Variants in STS observed in about 807,000 individuals in gnomAD.
STS encodes steryl-sulfatase.
A neutral mutation model predicts 26.8 loss-of-function variants in STS; 7 were observed. That is an observed-to-expected ratio of 0.26 (90% CI 0.15 to 0.49). The LOEUF (loss-of-function observed/expected upper bound fraction) is 0.49. Ranked by LOEUF, STS falls within the 20% of genes least tolerant of loss-of-function variation. STS has a pLI of 0.98. For synonymous variants in STS, 199 were observed against 189.4 expected, an observed-to-expected ratio of 1.05 and a Z score of -0.42; for missense variants, 434 against 465.6, an observed-to-expected ratio of 0.93 and a Z score of 0.63.
Position 7,352,845 on chromosome X carries a change from A to T in STS, c.*2584A>T, listed in dbSNP as rs1248056277. On this transcript the variant is annotated 3_prime_UTR_variant, in exon 11 of 11. Coordinates refer to ENST00000674429, the MANE Select transcript of STS (RefSeq NM_001320752.2). Reference sequence around the variant, plus strand: ...AATGCTGCAGGAAAAGCAAAATTGCAATCTACGTATCTATGGTACTAAGGA... The same window carrying T: ...AATGCTGCAGGAAAAGCAAAATTGCTATCTACGTATCTATGGTACTAAGGA... 9.0e-6 allele frequency: 1 copy of T among 111,038 alleles called. No individual in the cohort carries two copies. The highest frequency in any genetic ancestry group is 1.9e-5 in the Non-Finnish European group (1 of 53,089). The allele number at this position is 111,038 out of a possible 1,213,427, so 9.2% of individuals were successfully genotyped here.
intron 6 of STS, among the ~76,000 whole-genome samples, chrX:7,267,367 G>A (rs1438532522): frequency 1.5e-4 from 17 of 112,072 alleles, no homozygotes; most frequent in African/African-American, 5.5e-4. Context: ...AGAAAATAAA[G>A]CGTAAGGATG....
At chrX:7,204,477 C>G (rs1053735537) in intron 2 of STS, among the ~76,000 whole-genome samples, 7 of 105,549 alleles carry the variant, frequency 6.6e-5, no homozygotes, top group Admixed American at 1.0e-4. Context: ...CCCTTCTTTC[C>G]TTCCTCCCTC....
At chrX:7,284,721 G>C (rs1362364826) in intron 7 of STS, among the ~76,000 whole-genome samples, 3 of 112,334 alleles carry the variant, frequency 2.7e-5, no homozygotes, top group African/African-American at 9.7e-5. Flanking sequence ...TGATGGAACA[G>C]AGCAGGAAGC....
At position 7,262,505 on chromosome X, in the gene STS, T is replaced by G. The variant is rs913667872; in HGVS notation, c.806+2733T>G. Among the ~76,000 whole-genome samples the G allele has an allele frequency of 3.0e-4, 34 of 112,105 alleles. 1 individual carries two copies. Among genetic ancestry groups the G allele is most frequent in the African/African-American group, 1.0e-3 (31 of 30,894 alleles). ...AAATGAAACGGCCTTGCTGAACATA[T>G]AGCAGTGATTTTCCTACTGCAAACA... On this transcript the variant is annotated intron_variant, in intron 6 of 10. Transcript: ENST00000674429.
At chrX:7,208,507 C>T (rs899788480) in intron 2 of STS, among the ~76,000 whole-genome samples, 4 of 111,681 alleles carry the variant, frequency 3.6e-5, no homozygotes, top group Admixed American at 2.9e-4. Context: ...TACCCTTTAC[C>T]CTGTCTTCTC....
intron 7 of STS, among the ~76,000 whole-genome samples, chrX:7,279,361 ATGTGTG>A (rs149132899): frequency 5.0e-5 from 4 of 80,747 alleles, no homozygotes; most frequent in Non-Finnish European, 6.9e-5. Flanking sequence ...GTGTGTGTAT[ATGTGTG>A]TGTGTGTGTG....
chrX:7,217,132 C>A (rs1358023662), intron 2 of STS, among the ~76,000 whole-genome samples: 1 of 111,097 alleles, frequency 9.0e-6, no homozygotes, highest in Admixed American at 9.6e-5. Flanking sequence ...TCCTAACCGA[C>A]CTAGCAGGAT....
intron 2 of STS, among the ~76,000 whole-genome samples, chrX:7,194,370 T>C (rs1569185420): frequency 9.0e-6 from 1 of 111,546 alleles, no homozygotes; most frequent in Non-Finnish European, 1.9e-5. Flanking sequence ...AGTGATGTTA[T>C]CTATAGGGGC....
At chrX:7,343,859 G>C (rs1928404995) in intron 10 of STS, among the ~76,000 whole-genome samples, 1 of 112,066 alleles carries the variant, frequency 8.9e-6, no homozygotes, top group Non-Finnish European at 1.9e-5. Flanking sequence ...TATCATCCTA[G>C]AACAAGAGAG....
intron 8 of STS, among the ~76,000 whole-genome samples, chrX:7,313,624 C>T (rs1480552284): frequency 8.9e-6 from 1 of 111,985 alleles, no homozygotes; most frequent in Non-Finnish European, 1.9e-5. Flanking sequence ...TCACATCAGT[C>T]TCATTTATGT....
At chrX:7,301,157 G>T (rs756106981) in intron 7 of STS, among the ~76,000 whole-genome samples, 53 of 109,710 alleles carry the variant, frequency 4.8e-4, no homozygotes, top group South Asian at 2.4e-3. Context: ...GGAGGCTGAG[G>T]CAAGGGGATT....
chrX:7,238,771 G>A (rs771048283), intron 2 of STS, among the ~76,000 whole-genome samples: 12 of 111,226 alleles, frequency 1.1e-4, no homozygotes, highest in African/African-American at 3.9e-4. Context: ...GTTCAAGGCT[G>A]CAGTGAGCTG....
chrX:7,204,503 C>G (rs963054690), intron 2 of STS, among the ~76,000 whole-genome samples: 30 of 96,408 alleles, frequency 3.1e-4, no homozygotes, highest in Non-Finnish European at 6.3e-4. Flanking sequence ...CTTCCTCCCT[C>G]CCTCCTTTCC....
Position 7,259,694 on chromosome X carries a change from A to G in STS, c.728A>G (p.Tyr243Cys). Residue 243 changes from tyrosine (Y) to cysteine (C), a missense_variant, in exon 6 of 11, where the codon TAC becomes TGC. Tyr to Cys is a radical substitution (Grantham distance 194). Transcript: ENST00000674429. ...RPLNCFMMRN[Y>C]EIIQQPMSYD... ...CTGAACTGCTTCATGATGAGGAACT[A>G]CGAGATCATTCAGCAGCCCATGTCC... 1 of 1,210,949 alleles carries G rather than the reference A, an allele frequency of 8.3e-7. No homozygotes were observed.
chrX:7,347,833 G>A (rs1294914880), intron 10 of STS, among the ~76,000 whole-genome samples: 1 of 111,934 alleles, frequency 8.9e-6, no homozygotes, highest in Non-Finnish European at 1.9e-5. Context: ...GGCAGGCTCT[G>A]TCAGCCTGTC....
intron 8 of STS, among the ~76,000 whole-genome samples, chrX:7,323,451 C>T (rs1351197477): frequency 9.0e-6 from 1 of 111,178 alleles, no homozygotes; most frequent in African/African-American, 3.3e-5. Context: ...GTTTAGCTCC[C>T]ACTTATAAGT....
At chrX:7,314,134 C>T (rs1004511245) in intron 8 of STS, among the ~76,000 whole-genome samples, 4 of 111,593 alleles carry the variant, frequency 3.6e-5, no homozygotes, top group Non-Finnish European at 7.5e-5. Context: ...GCAGAAGGAT[C>T]GCTTGAGCCC....
chrX:7,184,229 G>A (rs1199912763), intron 1 of STS, among the ~76,000 whole-genome samples: 6 of 111,856 alleles, frequency 5.4e-5, no homozygotes, highest in South Asian at 3.7e-4. Flanking sequence ...ATGTTTAGCT[G>A]ATTTAGGGAA....
At chrX:7,265,060 C>A (rs1290083450) in intron 6 of STS, among the ~76,000 whole-genome samples, 1 of 99,481 alleles carries the variant, frequency 1.0e-5, no homozygotes, top group Non-Finnish European at 2.0e-5. Context: ...GGTTTTGGAA[C>A]TAATTAATTT....
Sources: allele counts gnomAD v4.1 joint callset (sites outside exome capture counted in the v4.1 genomes callset), GRCh38; gene constraint gnomAD v4.1.1; transcripts MANE v1.5; gene names NCBI Gene and HGNC (gene_info 2026-07-23, HGNC 2026-07-21).